Variants in SLCO3A1 observed in about 807,000 individuals in gnomAD.
SLCO3A1 encodes the protein PGE1 transporter.
Under a neutral mutation model 63.1 loss-of-function variants are expected in SLCO3A1, and 27 were observed. The ratio of observed to expected loss-of-function variants is 0.43; its 90% CI spans 0.32 to 0.59. The LOEUF (loss-of-function observed/expected upper bound fraction) is 0.59. SLCO3A1 is among the 20% of genes least tolerant of loss of function. The pLI is 0.09. For missense variants in SLCO3A1, 773 were observed against 945.8 expected, an observed-to-expected ratio of 0.82 and a Z score of 2.40; for synonymous variants, 473 against 409.9, an observed-to-expected ratio of 1.15 and a Z score of -1.86.
chr15:91,926,610 C>CGTGCGCGCGCG (rs1555450210), intron 2 of SLCO3A1, among the ~76,000 whole-genome samples: 1 of 114,366 alleles, frequency 8.7e-6, no homozygotes, highest in African/African-American at 4.2e-5. Flanking sequence ...CGCGCGCACG[C>CGTGCGCGCGCG]CCATGCTTAT....
At position 91,967,267 on chromosome 15, in the gene SLCO3A1, G is replaced by T. The variant is rs367607254; in HGVS notation, c.646+50809G>T. 1.1e-4 allele frequency among the ~76,000 whole-genome samples: 17 copies of T among 152,146 alleles called. No homozygotes were observed. The highest frequency in any genetic ancestry group is 4.1e-4 in the African/African-American group (17 of 41,414). On this transcript the variant is annotated intron_variant, in intron 2 of 9. Transcript: ENST00000318445. The surrounding 1 kb of genome is among the most constrained non-coding windows in gnomAD (Gnocchi z 4.4). ...AAAATATTAAAATGACAATAAGAGAGGTTTTTAGTTATCAGAGCATGTTGC... is the reference window on the plus strand; with the variant it reads ...AAAATATTAAAATGACAATAAGAGATGTTTTTAGTTATCAGAGCATGTTGC...
chr15:92,146,579 A>G (rs1048698785), intron 7 of SLCO3A1, among the ~76,000 whole-genome samples: 9 of 152,230 alleles, frequency 5.9e-5, no homozygotes, highest in African/African-American at 1.7e-4. Flanking sequence ...TACTTCTTTT[A>G]ATACACTTCA....
At chr15:91,858,795 A>G (rs1249481954) in intron 1 of SLCO3A1, among the ~76,000 whole-genome samples, 4 of 152,176 alleles carry the variant, frequency 2.6e-5, no homozygotes, top group Non-Finnish European at 5.9e-5. Flanking sequence ...CTGTGAATTT[A>G]TTTTGCACAC....
intron 9 of SLCO3A1, among the ~76,000 whole-genome samples, chr15:92,154,342 T>C (rs1455740248): frequency 6.6e-6 from 1 of 152,134 alleles, no homozygotes; most frequent in African/African-American, 2.4e-5. Context: ...GTAGAGCAAG[T>C]TGGGAGTGGT....
At chr15:92,094,421 G>T (rs1397243209) in intron 2 of SLCO3A1, among the ~76,000 whole-genome samples, 2 of 152,192 alleles carry the variant, frequency 1.3e-5, no homozygotes, top group Non-Finnish European at 2.9e-5. Flanking sequence ...AAAATAATTT[G>T]TGGCATAGAT....
intron 2 of SLCO3A1, among the ~76,000 whole-genome samples, chr15:91,927,556 G>A (rs907086783): frequency 1.3e-5 from 2 of 152,070 alleles, no homozygotes; most frequent in East Asian, 1.9e-4. Flanking sequence ...TTTATACCAC[G>A]GCCTCCTATT....
chr15:92,071,067 C>G (rs1033673383), intron 2 of SLCO3A1, among the ~76,000 whole-genome samples: 2 of 152,186 alleles, frequency 1.3e-5, no homozygotes, highest in Non-Finnish European at 2.9e-5. Context: ...AGGGGCATAG[C>G]TCTTTTGCCC....
Position 92,128,339 on chromosome 15 carries a change from T to G in SLCO3A1, c.1374-12T>G. The G allele has an allele frequency of 6.2e-7, 1 of 1,613,402 alleles. No homozygotes were observed. Among genetic ancestry groups the G allele is most frequent in the Non-Finnish European group, 8.5e-7 (1 of 1,179,794 alleles). Reference sequence around the variant, plus strand: ...TGTTTCTAATGGCTTCCGTGTTTCCTTTCTTTTCCAGCACAGCACCTGGCT... The same window carrying G: ...TGTTTCTAATGGCTTCCGTGTTTCCGTTCTTTTCCAGCACAGCACCTGGCT... On this transcript the variant is annotated splice_polypyrimidine_tract_variant and intron_variant, in intron 6 of 9. Coordinates refer to ENST00000318445, the MANE Select transcript of SLCO3A1 (RefSeq NM_013272.4).
chr15:92,105,412 A>T (rs1232778822), intron 4 of SLCO3A1, among the ~76,000 whole-genome samples: 4 of 152,224 alleles, frequency 2.6e-5, no homozygotes, highest in African/African-American at 9.6e-5. Context: ...ACACTTTAGG[A>T]TGCAGCAAAG....
At chr15:91,999,314 A>C (rs2046226275) in intron 2 of SLCO3A1, among the ~76,000 whole-genome samples, 2 of 152,250 alleles carry the variant, frequency 1.3e-5, no homozygotes. Flanking sequence ...ATTAAAAAAT[A>C]AAAAGACACA....
At chr15:91,877,885 A>T (rs754975706) in intron 1 of SLCO3A1, among the ~76,000 whole-genome samples, 10 of 152,050 alleles carry the variant, frequency 6.6e-5, no homozygotes, top group Non-Finnish European at 1.2e-4. Context: ...AGGTGTTTGG[A>T]TGGAGCCACC....
At chr15:91,937,994 G>A (rs746382840) in intron 2 of SLCO3A1, among the ~76,000 whole-genome samples, 1 of 152,122 alleles carries the variant, frequency 6.6e-6, no homozygotes, top group Non-Finnish European at 1.5e-5. Flanking sequence ...AGTTAATACA[G>A]GTGAAACATT....
intron 1 of SLCO3A1, among the ~76,000 whole-genome samples, chr15:91,904,310 T>C (rs1898238437): frequency 6.6e-6 from 1 of 152,186 alleles, no homozygotes; most frequent in Non-Finnish European, 1.5e-5. Context: ...AGTAGGAAAC[T>C]GTTTTACTCC....
In SLCO3A1 at chr15:91,877,090, CTTGAT is replaced by C. The variant is rs778267714; in HGVS notation, c.180+23005_180+23009del. On this transcript the variant is annotated intron_variant, in intron 1 of 9. Coordinates refer to ENST00000318445, the MANE Select transcript of SLCO3A1 (RefSeq NM_013272.4). Reference sequence around the variant, plus strand: ...TCTCTATTATGTGCAACTTATGTGACTTGATTTATTTCTTGATCTTTAAGATAGTT... The same window carrying C: ...TCTCTATTATGTGCAACTTATGTGACTTATTTCTTGATCTTTAAGATAGTT... 3.9e-5 allele frequency among the ~76,000 whole-genome samples: 6 copies of C among 152,184 alleles called. 1 individual carries two copies. Among genetic ancestry groups the C allele is most frequent in the East Asian group, 1.9e-4 (1 of 5,198 alleles).
intron 1 of SLCO3A1, among the ~76,000 whole-genome samples, chr15:91,893,410 G>A (rs1897920597): frequency 6.6e-6 from 1 of 152,192 alleles, no homozygotes; most frequent in Admixed American, 6.5e-5. Flanking sequence ...GAAAGTCCAA[G>A]ATCAAAGTAC....
chr15:91,986,357 G>T (rs114496837), intron 2 of SLCO3A1, among the ~76,000 whole-genome samples: 25 of 152,202 alleles, frequency 1.6e-4, no homozygotes, highest in African/African-American at 6.0e-4. Context: ...AGTGGCTGTG[G>T]GTGCCTATTG....
At chr15:92,125,978 C>G in intron 5 of SLCO3A1, 83 bp from the exon 6 acceptor site, 1 of 1,204,552 alleles carries the variant, frequency 8.3e-7, no homozygotes, top group South Asian at 1.3e-5. Context: ...TCACGGGACT[C>G]AGCCTCAGGC....
chr15:92,020,507 T>G (rs2046495896), intron 2 of SLCO3A1, among the ~76,000 whole-genome samples: 1 of 152,240 alleles, frequency 6.6e-6, no homozygotes, highest in Non-Finnish European at 1.5e-5. Context: ...TAACTAGCAT[T>G]GAAAATCAAT....
At chr15:91,930,372 T>C (rs751369734) in intron 2 of SLCO3A1, among the ~76,000 whole-genome samples, 4 of 152,170 alleles carry the variant, frequency 2.6e-5, no homozygotes, top group Non-Finnish European at 1.5e-5. Flanking sequence ...GCTGTGAACT[T>C]TATGAACCCA....
Sources: allele counts gnomAD v4.1 joint callset (sites outside exome capture counted in the v4.1 genomes callset), GRCh38; gene constraint gnomAD v4.1.1; non-coding constraint Gnocchi (gnomAD v3.1); transcripts MANE v1.5; gene names NCBI Gene and HGNC (gene_info 2026-07-23, HGNC 2026-07-21).